Variants in SGCZ observed in about 807,000 individuals in gnomAD.
SGCZ encodes the protein sarcoglycan zeta, also known as zeta-sarcoglycan.
A neutral mutation model predicts 41.3 loss-of-function variants in SGCZ; 40 were observed. The ratio of observed to expected loss-of-function variants is 0.97; its 90% CI spans 0.75 to 1.26. The LOEUF (loss-of-function observed/expected upper bound fraction) is 1.26. Among genes scored for constraint, SGCZ ranks in the 50% most tolerant of loss-of-function variants. The pLI is 0.00. For synonymous variants in SGCZ, 206 were observed against 137.5 expected (o/e 1.50, Z -3.49); for missense variants, 552 against 369.8 (o/e 1.49, Z -4.04).
intron 1 of SGCZ, among the ~76,000 whole-genome samples, chr8:14,867,771 A>G (rs181580551): frequency 1.3e-5 from 2 of 152,070 alleles, no homozygotes; most frequent in African/African-American, 4.8e-5. Flanking sequence ...TGGAGGGTGG[A>G]GAGTGGGAGA....
In SGCZ at chr8:14,665,058, C is replaced by T. The variant is rs561651252; in HGVS notation, c.40-110132G>A. On this transcript the variant is annotated intron_variant, in intron 1 of 7. Transcript: ENST00000382080. ...CTCTAAGTTTTAGGGTACATATGCA[C>T]AACGTGCAGGTTTGTTACATATGTA... 1.0e-3 allele frequency among the ~76,000 whole-genome samples: 156 copies of T among 152,302 alleles called. 1 individual carries two copies. The highest frequency in any genetic ancestry group is 3.7e-3 in the African/African-American group (152 of 41,564).
intron 2 of SGCZ, among the ~76,000 whole-genome samples, chr8:14,351,192 A>T (rs1803078115): frequency 6.6e-6 from 1 of 152,132 alleles, no homozygotes; most frequent in Non-Finnish European, 1.5e-5. Flanking sequence ...CTACATTCTT[A>T]TTACTGGTAT....
At position 14,112,095 on chromosome 8, in the gene SGCZ, G is replaced by A. The variant is rs1179829227; in HGVS notation, c.548-3860C>T. ...GGTAGCACAAGAAAAGGAAACCCAAGAAGCACCAGAGAGAAAGCAAACAAC... is the reference window on the plus strand; with the variant it reads ...GGTAGCACAAGAAAAGGAAACCCAAAAAGCACCAGAGAGAAAGCAAACAAC... On this transcript the variant is annotated intron_variant, in intron 5 of 7. Transcript: ENST00000382080. 3.3e-5 allele frequency among the ~76,000 whole-genome samples: 5 copies of A among 152,184 alleles called. No homozygotes were observed. In the East Asian group the frequency reaches 7.7e-4, roughly 24 times the overall value.
At chr8:15,216,135 C>A (rs1051026494) in intron 1 of SGCZ, among the ~76,000 whole-genome samples, 2 of 151,896 alleles carry the variant, frequency 1.3e-5, no homozygotes, top group African/African-American at 2.4e-5. Context: ...TAATTGCATT[C>A]TCTGGGGATA....
intron 1 of SGCZ, among the ~76,000 whole-genome samples, chr8:14,597,022 A>G (rs1805434640): frequency 6.6e-6 from 1 of 152,192 alleles, no homozygotes; most frequent in South Asian, 2.1e-4. Context: ...AACAACTCAT[A>G]ACTTCCTCAA....
At chr8:14,481,540 C>T (rs1326404811) in intron 2 of SGCZ, among the ~76,000 whole-genome samples, 4 of 152,070 alleles carry the variant, frequency 2.6e-5, no homozygotes, top group African/African-American at 4.8e-5. Flanking sequence ...TTCCTTTAGA[C>T]CCCATTATCT....
rs1238038227 is a variant in SGCZ at position 14,566,240 on chromosome 8, T to G, written c.40-11314A>C. Among the ~76,000 whole-genome samples, 8 of 152,222 alleles carry G rather than the reference T, an allele frequency of 5.3e-5. No individual in the cohort carries two copies. The East Asian group carries it at 1.5e-3, about 29-fold the overall frequency. On this transcript the variant is annotated intron_variant, in intron 1 of 7. Transcript: ENST00000382080. ...TAATTTTATTTTTATTCTCTTGAAT[T>G]ATTTACATTTTAAAAGAGAAAAAAG...
At chr8:14,678,804 G>A (rs1412661567) in intron 1 of SGCZ, among the ~76,000 whole-genome samples, 2 of 152,142 alleles carry the variant, frequency 1.3e-5, no homozygotes, top group African/African-American at 4.8e-5. Flanking sequence ...TAGGTGAACA[G>A]ATAAATACAC....
At chr8:14,355,160 C>T (rs73664317) in intron 2 of SGCZ, among the ~76,000 whole-genome samples, 1 of 151,868 alleles carries the variant, frequency 6.6e-6, no homozygotes, top group African/African-American at 2.4e-5. Flanking sequence ...TGTTCATTCC[C>T]AAAGTGTTTG....
At chr8:15,197,845 G>A (rs921243445) in intron 1 of SGCZ, among the ~76,000 whole-genome samples, 4 of 151,062 alleles carry the variant, frequency 2.6e-5, no homozygotes, top group East Asian at 1.9e-4. Flanking sequence ...TAAATTATAC[G>A]CACACACATA....
At chr8:14,193,863 T>A (rs1805183606) in intron 4 of SGCZ, among the ~76,000 whole-genome samples, 1 of 151,814 alleles carries the variant, frequency 6.6e-6, no homozygotes. Context: ...AACTCCTACC[T>A]TGAACATGTT....
At chr8:14,396,114 A>G (rs1004647863) in intron 2 of SGCZ, among the ~76,000 whole-genome samples, 8 of 152,182 alleles carry the variant, frequency 5.3e-5, no homozygotes, top group African/African-American at 1.9e-4. Flanking sequence ...TAGCTCTGCC[A>G]TCTCATGTTC....
chr8:14,514,805 G>A (rs1021050112), intron 2 of SGCZ, among the ~76,000 whole-genome samples: 4 of 72,038 alleles, frequency 5.6e-5, no homozygotes, highest in African/African-American at 1.7e-4. Flanking sequence ...GTGTGTGTGT[G>A]TGTGTGTGTA....
chr8:15,047,347 C>G (rs990568891), intron 1 of SGCZ, among the ~76,000 whole-genome samples: 1 of 152,042 alleles, frequency 6.6e-6, no homozygotes, highest in African/African-American at 2.4e-5. Flanking sequence ...TGTGCCTCTT[C>G]CAAGTCAAAT....
chr8:15,206,228 T>C lies in SGCZ; in HGVS notation c.39+31357A>G, dbSNP rs139462223. 4.3e-3 allele frequency among the ~76,000 whole-genome samples: 651 copies of C among 152,148 alleles called. 5 individuals are homozygous for C. The highest frequency in any genetic ancestry group is 0.015 in the African/African-American group (627 of 41,502). ...CTAGTTTATGGAAACAAAAACTACTTAGGGCCACGGTAGTCAGGGAAGGCT... is the reference window on the plus strand; with the variant it reads ...CTAGTTTATGGAAACAAAAACTACTCAGGGCCACGGTAGTCAGGGAAGGCT... On this transcript the variant is annotated intron_variant, in intron 1 of 7. Transcript: ENST00000382080.
At chr8:14,479,879 G>A (rs1452336077) in intron 2 of SGCZ, among the ~76,000 whole-genome samples, 8 of 151,254 alleles carry the variant, frequency 5.3e-5, no homozygotes, top group Non-Finnish European at 1.2e-4. Flanking sequence ...CCAAGTAGCT[G>A]GGATTACAGG....
intron 1 of SGCZ, among the ~76,000 whole-genome samples, chr8:15,128,473 C>T (rs370022416): frequency 5.3e-5 from 8 of 152,328 alleles, no homozygotes; most frequent in Middle Eastern, 3.4e-3. Flanking sequence ...GAGCTCAGCA[C>T]GCCATCTGTT....
intron 1 of SGCZ, among the ~76,000 whole-genome samples, chr8:14,623,005 G>A (rs566965448): frequency 6.6e-6 from 1 of 152,100 alleles, no homozygotes; most frequent in Non-Finnish European, 1.5e-5. Flanking sequence ...GTAGTGAAAA[G>A]GTCCTGGCTT....
chr8:14,727,158 G>A (rs1810082016), intron 1 of SGCZ, among the ~76,000 whole-genome samples: 1 of 152,112 alleles, frequency 6.6e-6, no homozygotes, highest in East Asian at 1.9e-4. Context: ...TTATAATAAT[G>A]AAAATACCTG....
Sources: gnomAD v4.1 joint callset for allele counts (sites outside exome capture counted in the v4.1 genomes callset) on GRCh38, gnomAD v4.1.1 for gene constraint, MANE v1.5 for transcripts, NCBI Gene and HGNC (gene_info 2026-07-23, HGNC 2026-07-21) for gene names.